Variants in FBH1 observed in about 807,000 individuals in gnomAD.
FBH1 encodes DNA 3'-5' helicase 1.
FBH1 carries 43 observed loss-of-function variants against 115.5 expected under a neutral mutation model. That is an observed-to-expected ratio of 0.37 (90% CI 0.29 to 0.48). The LOEUF (loss-of-function observed/expected upper bound fraction) is 0.48, where lower values mean the gene tolerates loss of function less well. Ranked by LOEUF, FBH1 falls within the 20% of genes least tolerant of loss-of-function variation. FBH1 has a pLI of 0.99. For missense variants in FBH1, 1,001 were observed against 1,337.3 expected (o/e 0.75, Z 3.92); for synonymous variants, 524 against 507.8 (o/e 1.03, Z -0.43).
At position 5,916,242 on chromosome 10, in the gene FBH1, CAAA is replaced by C. The variant is rs1420709173; in HGVS notation, c.1575_1577del (p.Lys528del). ...TGGGATGGGTATTGCAGGTACCAGT[CAAA>C]GAAGAAGTTGAATCTCTTCAAGTTA... On this transcript the variant is annotated inframe_deletion, in exon 10 of 21. Coordinates refer to ENST00000362091, the MANE Select transcript of FBH1 (RefSeq NM_178150.3). 3.7e-6 allele frequency: 6 copies of C among 1,614,066 alleles called. No homozygotes were observed. Among genetic ancestry groups the C allele is most frequent in the Non-Finnish European group, 4.2e-6 (5 of 1,179,990 alleles).
At position 5,918,535 on chromosome 10, in the gene FBH1, C is replaced by A. The variant is rs1409511617; in HGVS notation, c.2100+57C>A. On this transcript the variant is annotated intron_variant, in intron 13 of 20. Coordinates refer to ENST00000362091, the MANE Select transcript of FBH1 (RefSeq NM_178150.3). This position sits in a 1 kb window ranked among gnomAD's most constrained non-coding sequence, Gnocchi z 4.0. ...ATCTCTCTCCCAATGTCTTACGTGC[C>A]AGGCCCTGTGAAAGGTGGTATGCCA... The A allele has an allele frequency of 2.0e-6, 3 of 1,492,236 alleles. No homozygotes were observed. In the East Asian group the frequency reaches 7.6e-5, roughly 38 times the overall value. 92.4% of individuals were successfully genotyped at this position (1,492,236 alleles called of 1,614,324 possible).
At chr10:5,928,945 T>C (rs1832813084) in intron 19 of FBH1, among the ~76,000 whole-genome samples, 1 of 152,192 alleles carries the variant, frequency 6.6e-6, no homozygotes. Context: ...TTGCCTACTC[T>C]CGTGGGGTGA....
At position 5,931,891 on chromosome 10, in the gene FBH1, C is replaced by A. The variant is rs142941972; in HGVS notation, c.2829+4350C>A. ...GGGCACAGTGGCTCACCCCTGTAAT[C>A]CCAGCACTTTGCGGGGCTGAGGCAG... On this transcript the variant is annotated intron_variant, in intron 19 of 20. Transcript: ENST00000362091. This position sits in a 1 kb window ranked among gnomAD's most constrained non-coding sequence, Gnocchi z 4.3. Among the ~76,000 whole-genome samples the A allele has an allele frequency of 3.9e-3, 596 of 152,302 alleles. 4 individuals are homozygous for A. Among genetic ancestry groups the A allele is most frequent in the African/African-American group, 0.014 (567 of 41,554 alleles).
chr10:5,895,506 G>C lies in FBH1; in HGVS notation c.1+5160G>C, dbSNP rs763105930. Among the ~76,000 whole-genome samples, 15 of 152,094 alleles carry C rather than the reference G, an allele frequency of 9.9e-5. No homozygotes were observed. Among genetic ancestry groups the C allele is most frequent in the Non-Finnish European group, 2.1e-4 (14 of 68,014 alleles). ...GTAGAGGAAGAAAGGAAATTATTTG[G>C]TATCCATTTCAAATGATCCTGAATG... On this transcript the variant is annotated intron_variant, in intron 1 of 20. Coordinates refer to ENST00000362091, the MANE Select transcript of FBH1 (RefSeq NM_178150.3). The surrounding 1 kb of genome is among the most constrained non-coding windows in gnomAD (Gnocchi z 5.0).
At position 5,933,257 on chromosome 10, in the gene FBH1, G is replaced by A. The variant is rs562941721; in HGVS notation, c.2830-3199G>A. ...ACAAAAATTAGCTGGGTGTAGTGGC[G>A]TATGCCTGTAATCCCAGCTACTCAG... On this transcript the variant is annotated intron_variant, in intron 19 of 20. Transcript: ENST00000362091. This position sits in a 1 kb window ranked among gnomAD's most constrained non-coding sequence, Gnocchi z 4.9. 1.6e-4 allele frequency among the ~76,000 whole-genome samples: 25 copies of A among 152,208 alleles called. No homozygotes were observed. In the South Asian group the frequency reaches 3.9e-3, roughly 24 times the overall value.
rs751939196 is a variant in FBH1, at chr10:5,915,357, T to A, written c.1397-46T>A. 6.2e-7 allele frequency: 1 copy of A among 1,603,182 alleles called. No homozygotes were observed. Among genetic ancestry groups the A allele is most frequent in the Admixed American group, 1.7e-5 (1 of 59,298 alleles). ...GCCTGATTGGGGATCCCTGGGCATG[T>A]CTTGTCTGGTCAGAGGGTCACCTCC... On this transcript the variant is annotated intron_variant, in intron 8 of 20. Transcript: ENST00000362091. This position sits in a 1 kb window ranked among gnomAD's most constrained non-coding sequence, Gnocchi z 5.2.
Position 5,914,485 on chromosome 10 carries a change from G to T in FBH1, c.1396+216G>T, listed in dbSNP as rs1265313814. Among the ~76,000 whole-genome samples the T allele has an allele frequency of 6.6e-6, 1 of 152,258 alleles. No homozygotes were observed. Among genetic ancestry groups the T allele is most frequent in the Non-Finnish European group, 1.5e-5 (1 of 68,050 alleles). On this transcript the variant is annotated intron_variant, in intron 8 of 20. Transcript: ENST00000362091. The surrounding 1 kb of genome is among the most constrained non-coding windows in gnomAD (Gnocchi z 5.2). The stretch of plus-strand genomic sequence containing the variant: ...CATCCACAGAATTCCTGTTGAGACA[G>T]GTAGTTCACAGCAGTTAGTTGGTCG...
In FBH1 at chr10:5,909,440, A is replaced by G; in HGVS notation, c.1020+146A>G. On this transcript the variant is annotated intron_variant, in intron 5 of 20. Transcript: ENST00000362091. This position sits in a 1 kb window ranked among gnomAD's most constrained non-coding sequence, Gnocchi z 4.4. ...AATGCTTTGAAGCATTCATGTTGTC[A>G]TTGTCCCCAGTGGAGAAATAAAAGG... 1.1e-6 allele frequency: 1 copy of G among 942,158 alleles called. No individual in the cohort carries two copies. The highest frequency in any genetic ancestry group is 1.5e-6 in the Non-Finnish European group (1 of 655,588). 58.4% of individuals were successfully genotyped at this position (942,158 alleles called of 1,614,324 possible).
Position 5,932,300 on chromosome 10 carries a change from T to A in FBH1, c.2830-4156T>A, listed in dbSNP as rs189370587. 6.6e-6 allele frequency among the ~76,000 whole-genome samples: 1 copy of A among 152,236 alleles called. No individual in the cohort carries two copies. Among genetic ancestry groups the A allele is most frequent in the African/African-American group, 2.4e-5 (1 of 41,460 alleles). ...ATGCAAGTATTAGCAAATTCGTAGG[T>A]ATTTTCATATTCTCCTTTTCCACAG... On this transcript the variant is annotated intron_variant, in intron 19 of 20. Coordinates refer to ENST00000362091, the MANE Select transcript of FBH1 (RefSeq NM_178150.3). The surrounding 1 kb of genome is among the most constrained non-coding windows in gnomAD (Gnocchi z 5.9).
At chr10:5,890,036 GA>G (rs1011755318), upstream of FBH1, 40 of 282,090 alleles carry the variant, frequency 1.4e-4, no homozygotes, top group Admixed American at 1.1e-3. Flanking sequence ...CGGAAGCGCG[GA>G]TGGGGCGTGG....
At chr10:5,920,430 C>T (rs1832243909) in intron 13 of FBH1, among the ~76,000 whole-genome samples, 1 of 152,096 alleles carries the variant, frequency 6.6e-6, no homozygotes, top group Admixed American at 6.5e-5. Context: ...GAAGGAAGTC[C>T]CTATATGCAG....
intron 3 of FBH1, among the ~76,000 whole-genome samples, chr10:5,907,316 C>G (rs1391294661): frequency 6.6e-6 from 1 of 151,770 alleles, no homozygotes; most frequent in Non-Finnish European, 1.5e-5. Context: ...GCAATAAACC[C>G]CTCTCTTAAA....
intron 1 of FBH1, chr10:5,894,966 T>G: frequency 6.6e-7 from 1 of 1,505,882 alleles, no homozygotes; most frequent in Non-Finnish European, 9.0e-7. Context: ...TCCTGCGAAG[T>G]GCTTCCTGGC....
In FBH1 at chr10:5,895,213, A is replaced by C. The variant is rs749776152; in HGVS notation, c.1+4867A>C. 7 of 1,600,016 alleles carry C rather than the reference A, an allele frequency of 4.4e-6. No homozygotes were observed. The South Asian group carries it at 7.8e-5, about 18-fold the overall frequency. On this transcript the variant is annotated intron_variant, in intron 1 of 20. Transcript: ENST00000362091. The surrounding 1 kb of genome is among the most constrained non-coding windows in gnomAD (Gnocchi z 5.0). ...GTAAGAGGCATGTGGGAAACTGACC[A>C]GGGCGGTTAGCTGACTCCAAAATTG...
intron 1 of FBH1, among the ~76,000 whole-genome samples, chr10:5,896,360 A>G (rs1467528284): frequency 2.0e-5 from 3 of 152,116 alleles, no homozygotes; most frequent in Non-Finnish European, 2.9e-5. Flanking sequence ...AAGGCCAGGA[A>G]TTGCTGGGGT....
At position 5,915,996 on chromosome 10, in the gene FBH1, G is replaced by A. The variant is rs901437711; in HGVS notation, c.1566-238G>A. 1.9e-6 allele frequency: 1 copy of A among 539,240 alleles called. No individual in the cohort carries two copies. The highest frequency in any genetic ancestry group is 3.3e-6 in the Non-Finnish European group (1 of 300,936). 33.4% of individuals were successfully genotyped at this position (539,240 alleles called of 1,614,324 possible). ...GGACCTTCTGGAGCCCAGCTTCATG[G>A]TGGAATAGCAGTGTCTGCCGAAAGC... On this transcript the variant is annotated intron_variant, in intron 9 of 20. Coordinates refer to ENST00000362091, the MANE Select transcript of FBH1 (RefSeq NM_178150.3). This position sits in a 1 kb window ranked among gnomAD's most constrained non-coding sequence, Gnocchi z 5.2.
rs143815430 is a variant in FBH1 at position 5,911,093 on chromosome 10, C to A, written c.1176C>A (p.Tyr392Ter). 2.3e-5 allele frequency: 37 copies of A among 1,613,052 alleles called. No homozygotes were observed. Residue 392 changes from tyrosine (Y) to a stop codon, truncating the protein, a stop_gained, in exon 6 of 21, where the codon TAC (tyrosine) becomes TAA (stop). Coordinates refer to ENST00000362091, the MANE Select transcript of FBH1 (RefSeq NM_178150.3). LOFTEE classifies it high-confidence loss of function. The surrounding 1 kb of genome is among the most constrained non-coding windows in gnomAD (Gnocchi z 5.4). ...ETLYCIAVLL[Y>*]AMREKGINIS... ...TGTACTGCATAGCCGTGCTTCTCTA[C>A]GCCATGAGGGAGAAGGGGATTAACA...
intron 1 of FBH1, chr10:5,894,535 T>A (rs1842904131): frequency 1.2e-6 from 1 of 830,508 alleles, no homozygotes; most frequent in South Asian, 1.3e-5. Flanking sequence ...GAGCCCCAGC[T>A]TAATCATGGC....
rs977459345 is a variant in FBH1 at position 5,936,777 on chromosome 10, C to T, written c.2961+190C>T. 13 of 718,872 alleles carry T rather than the reference C, an allele frequency of 1.8e-5. No homozygotes were observed. The African/African-American group carries it at 2.0e-4, about 11-fold the overall frequency. The allele number at this position is 718,872 out of a possible 1,614,324, so 44.5% of individuals were successfully genotyped here. On this transcript the variant is annotated intron_variant, in intron 20 of 20. Coordinates refer to ENST00000362091, the MANE Select transcript of FBH1 (RefSeq NM_178150.3). The surrounding 1 kb of genome is among the most constrained non-coding windows in gnomAD (Gnocchi z 5.6). ...CAGAGGTCAGGGCACGTGATGCTGC[C>T]TGGCTGTGCTGAAGCCGCAGGTCTG...
Sources: gnomAD v4.1 joint callset for allele counts (sites outside exome capture counted in the v4.1 genomes callset) on GRCh38, gnomAD v4.1.1 for gene constraint, Gnocchi (gnomAD v3.1) non-coding constraint, MANE v1.5 for transcripts, NCBI Gene and HGNC (gene_info 2026-07-23, HGNC 2026-07-21) for gene names.